The following LRBA variants were observed in gnomAD, a reference collection of about 807,000 sequenced individuals.
LRBA encodes the protein lipopolysaccharide-responsive and beige-like anchor protein.
A neutral mutation model predicts 330.0 loss-of-function variants in LRBA; 176 were observed. That is an observed-to-expected ratio of 0.53 (90% CI 0.47 to 0.60). The LOEUF (loss-of-function observed/expected upper bound fraction) is 0.60. Among genes scored for constraint, LRBA ranks in the 20% least tolerant of loss-of-function variants. The pLI is 0.00. For missense variants in LRBA, 3,259 were observed against 3,444.8 expected (o/e 0.95, Z 1.35); for synonymous variants, 1,230 against 1,193.0 (o/e 1.03, Z -0.64).
chr4:150,520,400 C>T (rs10001211), intron 40 of LRBA, among the ~76,000 whole-genome samples: 69,139 of 150,804 alleles, frequency 0.46, 16,045 homozygotes, highest in Non-Finnish European at 0.51. Context: ...ATTTTTTTTT[C>T]CTTAGGAATA....
intron 40 of LRBA, among the ~76,000 whole-genome samples, chr4:150,494,827 C>T (rs2152110064): frequency 6.6e-6 from 1 of 152,074 alleles, no homozygotes; most frequent in Non-Finnish European, 1.5e-5. Context: ...AACCCCGTCT[C>T]AATAAAAAAA....
intron 2 of LRBA, among the ~76,000 whole-genome samples, chr4:150,997,506 G>T (rs1211971461): frequency 6.6e-6 from 1 of 152,010 alleles, no homozygotes; most frequent in African/African-American, 2.4e-5. Context: ...TTCTATGCAG[G>T]TTACTTGTAT....
chr4:150,690,923 T>C (rs1293870579), intron 36 of LRBA, among the ~76,000 whole-genome samples: 1 of 128,202 alleles, frequency 7.8e-6, no homozygotes, highest in African/African-American at 2.8e-5. Flanking sequence ...TTAAAACACC[T>C]GGTCTTTTTT....
intron 29 of LRBA, 54 bp downstream of exon 29, chr4:150,831,763 G>C: frequency 7.3e-7 from 1 of 1,361,966 alleles, no homozygotes. Context: ...ACCATCAAAA[G>C]TAAGTAACAT....
intron 34 of LRBA, among the ~76,000 whole-genome samples, chr4:150,790,999 G>A (rs772965267): frequency 1.5e-4 from 23 of 152,058 alleles, no homozygotes; most frequent in Non-Finnish European, 2.9e-4. Flanking sequence ...TTATAAGTAC[G>A]TTCTAAGGAT....
At chr4:150,345,822 T>C (rs987707115) in intron 48 of LRBA, among the ~76,000 whole-genome samples, 1 of 152,200 alleles carries the variant, frequency 6.6e-6, no homozygotes, top group Non-Finnish European at 1.5e-5. Flanking sequence ...ACCTTTTTTT[T>C]TGAGACAGGG....
At chr4:150,282,404 G>A (rs1057100801) in intron 55 of LRBA, 46 bp downstream of exon 55, 7 of 1,541,566 alleles carry the variant, frequency 4.5e-6, no homozygotes, top group Non-Finnish European at 5.3e-6. Context: ...CTTGACACAC[G>A]TTGAGGTAAA....
At chr4:150,779,898 G>T (rs1341798456) in intron 34 of LRBA, among the ~76,000 whole-genome samples, 2 of 152,164 alleles carry the variant, frequency 1.3e-5, no homozygotes, top group Non-Finnish European at 2.9e-5. Flanking sequence ...TGATTTATAT[G>T]AATGCCTAGT....
At chr4:150,757,270 A>G (rs1734440202) in intron 35 of LRBA, among the ~76,000 whole-genome samples, 1 of 152,198 alleles carries the variant, frequency 6.6e-6, no homozygotes, top group Admixed American at 6.5e-5. Flanking sequence ...GCAAATCACT[A>G]TAAATTTCAC....
At chr4:150,675,418 AT>A (rs1782441853) in intron 37 of LRBA, among the ~76,000 whole-genome samples, 1 of 152,106 alleles carries the variant, frequency 6.6e-6, no homozygotes, top group Non-Finnish European at 1.5e-5. Flanking sequence ...GATAATCCTT[AT>A]AAAAATACTT....
At chr4:150,497,082 AATGTT>A (rs1759676653) in intron 40 of LRBA, among the ~76,000 whole-genome samples, 1 of 152,248 alleles carries the variant, frequency 6.6e-6, no homozygotes, top group Admixed American at 6.5e-5. Context: ...TATATGTGCA[AATGTT>A]TTATGTTACA....
chr4:150,890,474 G>A (rs1729347449), intron 17 of LRBA, among the ~76,000 whole-genome samples: 1 of 151,490 alleles, frequency 6.6e-6, no homozygotes, highest in Non-Finnish European at 1.5e-5. Flanking sequence ...TGACACACTA[G>A]GATTAAAAAA....
intron 30 of LRBA, among the ~76,000 whole-genome samples, chr4:150,819,943 C>T (rs935629879): frequency 8.5e-5 from 13 of 152,074 alleles, no homozygotes; most frequent in Admixed American, 7.2e-4. Flanking sequence ...GTTCCTCACA[C>T]ACTTCTTCAA....
chr4:150,875,839 G>A (rs1224503815), intron 17 of LRBA, among the ~76,000 whole-genome samples: 1 of 152,206 alleles, frequency 6.6e-6, no homozygotes, highest in African/African-American at 2.4e-5. Flanking sequence ...TGAGTGTGGT[G>A]ACACCATCAA....
chr4:151,005,940 T>C (rs1199550861), intron 2 of LRBA, among the ~76,000 whole-genome samples: 1 of 151,908 alleles, frequency 6.6e-6, no homozygotes, highest in African/African-American at 2.4e-5. Context: ...ACTAAAGTAA[T>C]TCAAAATTGT....
chr4:151,009,979 C>CA (rs1191755458), intron 2 of LRBA, among the ~76,000 whole-genome samples: 4 of 147,422 alleles, frequency 2.7e-5, no homozygotes, highest in African/African-American at 7.6e-5. Flanking sequence ...GGCTCCATCT[C>CA]AAAAAAATAA....
chr4:150,275,063 T>C (rs2126728764), intron 56 of LRBA, among the ~76,000 whole-genome samples: 1 of 152,142 alleles, frequency 6.6e-6, no homozygotes, highest in Middle Eastern at 3.4e-3. Flanking sequence ...CAGGAGCACA[T>C]CAAAAAGCTT....
At chr4:150,968,727 A>G (rs1215694075) in intron 2 of LRBA, among the ~76,000 whole-genome samples, 1 of 152,250 alleles carries the variant, frequency 6.6e-6, no homozygotes, top group African/African-American at 2.4e-5. Flanking sequence ...TCTACCTGAG[A>G]TAACTGATAA....
chr4:150,270,188 T>C (rs905135052), intron 56 of LRBA, among the ~76,000 whole-genome samples: 2 of 152,140 alleles, frequency 1.3e-5, no homozygotes, highest in African/African-American at 4.8e-5. Context: ...GGAATTGCCA[T>C]ATAACCCAGC....
Sources: gnomAD v4.1 joint callset for allele counts (sites outside exome capture counted in the v4.1 genomes callset) on GRCh38, gnomAD v4.1.1 for gene constraint, MANE v1.5 for transcripts, NCBI Gene and HGNC (gene_info 2026-07-23, HGNC 2026-07-21) for gene names.